Variants in CYBRD1 observed in about 807,000 individuals in gnomAD.
CYBRD1 encodes the protein cytochrome b reductase 1.
Under a neutral mutation model 21.9 loss-of-function variants are expected in CYBRD1, and 14 were observed. That is an observed-to-expected ratio of 0.64 (90% CI 0.42 to 1.00). CYBRD1 has a LOEUF of 1.00. Among genes scored for constraint, CYBRD1 ranks in the 50% least tolerant of loss-of-function variants. CYBRD1 has a pLI of 0.00. For missense variants in CYBRD1, 328 were observed against 352.5 expected (o/e 0.93, Z 0.56); for synonymous variants, 146 against 136.5 (o/e 1.07, Z -0.48).
At chr2:171,543,893 G>A (rs183470556) in intron 2 of CYBRD1, among the ~76,000 whole-genome samples, 42 of 152,202 alleles carry the variant, frequency 2.8e-4, no homozygotes, top group Admixed American at 1.9e-3. Context: ...AAACTATGCT[G>A]CATTGAATAT....
upstream of CYBRD1, chr2:171,522,466 G>A (rs570795913): frequency 2.0e-5 from 31 of 1,539,928 alleles, no homozygotes; most frequent in East Asian, 6.8e-4. The surrounding 1 kb of genome is among the most constrained non-coding windows in gnomAD (Gnocchi z 4.3). Context: ...CCCCGGTCCC[G>A]CCGCCCGGCC....
At chr2:171,541,216 A>C (rs1430637657) in intron 1 of CYBRD1, 1 of 321,934 alleles carries the variant, frequency 3.1e-6, no homozygotes, top group Non-Finnish European at 6.0e-6. Context: ...TCTGAAGCTT[A>C]GAAGACAGTT....
chr2:171,549,520 G>A (rs1483646545), intron 2 of CYBRD1, among the ~76,000 whole-genome samples: 1 of 152,142 alleles, frequency 6.6e-6, no homozygotes, highest in Non-Finnish European at 1.5e-5. Flanking sequence ...TGCCTGTGGG[G>A]TATTCCTGTT....
rs974282499 is a variant in CYBRD1 at position 171,550,806 on chromosome 2, G to A, written c.403-2540G>A. On this transcript the variant is annotated intron_variant, in intron 2 of 3. Transcript: ENST00000321348. Reference sequence around the variant, plus strand: ...GAGACACACATGACAAATTATGGAGGAAATGAGAGAAAACAGAAAGAATCT... The same window carrying A: ...GAGACACACATGACAAATTATGGAGAAAATGAGAGAAAACAGAAAGAATCT... 4.6e-5 allele frequency among the ~76,000 whole-genome samples: 7 copies of A among 152,056 alleles called. No homozygotes were observed. The East Asian group carries it at 9.6e-4, about 21-fold the overall frequency.
chr2:171,529,334 C>A (rs1697429534), intron 1 of CYBRD1, among the ~76,000 whole-genome samples: 1 of 151,994 alleles, frequency 6.6e-6, no homozygotes, highest in Admixed American at 6.6e-5. Flanking sequence ...GAGTTCGAGA[C>A]CAGCCTGACC....
chr2:171,525,341 T>C (rs1697369094), intron 1 of CYBRD1, among the ~76,000 whole-genome samples: 2 of 152,192 alleles, frequency 1.3e-5, no homozygotes, highest in South Asian at 4.1e-4. Context: ...GATGTGCAAA[T>C]CACTTTAATC....
intron 1 of CYBRD1, among the ~76,000 whole-genome samples, chr2:171,528,475 C>T (rs1697416495): frequency 2.0e-5 from 3 of 150,884 alleles, no homozygotes; most frequent in African/African-American, 7.4e-5. Context: ...TCTCTCTTTC[C>T]TGGCTGCCCC....
chr2:171,539,695 T>G (rs1697599525), intron 1 of CYBRD1: 1 of 151,884 alleles, frequency 6.6e-6, no homozygotes, highest in East Asian at 1.9e-4. Flanking sequence ...ACCAGGACAC[T>G]TAAGACAACC....
At position 171,534,301 on chromosome 2, in the gene CYBRD1, C is replaced by T. The variant is rs560334654; in HGVS notation, c.194-7284C>T. ...TAGCTGTTTTATACCATTTCCCCTT[C>T]TTGTGGGCTTAGGGGACCTTTTTCT... On this transcript the variant is annotated intron_variant, in intron 1 of 3. Coordinates refer to ENST00000321348, the MANE Select transcript of CYBRD1 (RefSeq NM_024843.4). Among the ~76,000 whole-genome samples, 3 of 152,316 alleles carry T rather than the reference C, an allele frequency of 2.0e-5. No homozygotes were observed. The South Asian group carries it at 6.2e-4, about 32-fold the overall frequency.
chr2:171,532,039 G>A (rs1697474535), intron 1 of CYBRD1, among the ~76,000 whole-genome samples: 1 of 152,176 alleles, frequency 6.6e-6, no homozygotes, highest in African/African-American at 2.4e-5. Context: ...CATTCGTGCT[G>A]TGAGACAGTT....
At chr2:171,524,932 C>G (rs1697362536) in intron 1 of CYBRD1, among the ~76,000 whole-genome samples, 1 of 152,094 alleles carries the variant, frequency 6.6e-6, no homozygotes, top group African/African-American at 2.4e-5. Context: ...TTACGAAAAT[C>G]TTGTTTCTTT....
intron 2 of CYBRD1, among the ~76,000 whole-genome samples, chr2:171,547,072 G>A (rs1697728019): frequency 6.6e-6 from 1 of 152,198 alleles, no homozygotes; most frequent in South Asian, 2.1e-4. Context: ...TAAAGAATGA[G>A]AGAGAGTCAC....
At chr2:171,528,529 C>A (rs901464244) in intron 1 of CYBRD1, among the ~76,000 whole-genome samples, 1 of 151,832 alleles carries the variant, frequency 6.6e-6, no homozygotes, top group Non-Finnish European at 1.5e-5. Flanking sequence ...TTCCTGATGA[C>A]GGCAGGTTAG....
chr2:171,542,562 G>A (rs932221856), intron 2 of CYBRD1, among the ~76,000 whole-genome samples: 1 of 152,130 alleles, frequency 6.6e-6, no homozygotes, highest in Non-Finnish European at 1.5e-5. Flanking sequence ...TAGCAATAAA[G>A]AGAATACCTA....
intron 1 of CYBRD1, among the ~76,000 whole-genome samples, chr2:171,527,444 A>G (rs1219442785): frequency 1.3e-5 from 2 of 152,210 alleles, no homozygotes; most frequent in Admixed American, 6.5e-5. Context: ...AATTGTTAGT[A>G]ACAAAATGCA....
intron 1 of CYBRD1, chr2:171,523,106 G>C (rs750423066): frequency 6.0e-6 from 2 of 332,306 alleles, no homozygotes; most frequent in East Asian, 1.1e-4. Flanking sequence ...CGCGATGCCG[G>C]AGCGCCGCGC....
chr2:171,540,661 A>T (rs1223312759), intron 1 of CYBRD1: 2 of 151,934 alleles, frequency 1.3e-5, no homozygotes, highest in Non-Finnish European at 1.5e-5. Context: ...AGGTTTAGCC[A>T]TTCAGATATG....
Position 171,522,610 on chromosome 2 carries a change from T to A in CYBRD1, c.65T>A (p.Leu22Gln), listed in dbSNP as rs1203274584. The A allele has an allele frequency of 1.2e-6, 2 of 1,612,658 alleles. No homozygotes were observed. The highest frequency in any genetic ancestry group is 1.7e-6 in the Non-Finnish European group (2 of 1,179,708). Reference sequence around the variant, plus strand: ...GGGTCGGCACTGCTCGTCGGCTTCCTGTCGGTGATCTTCGCCCTCGTCTGG... The same window carrying A: ...GGGTCGGCACTGCTCGTCGGCTTCCAGTCGGTGATCTTCGCCCTCGTCTGG... ...LLGSALLVGF[L>Q]SVIFALVWVL... is the part of the protein sequence containing the mutation. Residue 22 changes from leucine to glutamine, a missense_variant, in exon 1 of 4, where the codon CTG becomes CAG. Transcript: ENST00000321348. This position sits in a 1 kb window ranked among gnomAD's most constrained non-coding sequence, Gnocchi z 4.3.
chr2:171,539,711 TAA>T (rs1166767555), intron 1 of CYBRD1: 1 of 149,018 alleles, frequency 6.7e-6, no homozygotes, highest in Non-Finnish European at 1.5e-5. Context: ...CAACCCTTTG[TAA>T]AAAAACTTTT....
Sources: allele counts gnomAD v4.1 joint callset (sites outside exome capture counted in the v4.1 genomes callset), GRCh38; gene constraint gnomAD v4.1.1; non-coding constraint Gnocchi (gnomAD v3.1); transcripts MANE v1.5; gene names NCBI Gene and HGNC (gene_info 2026-07-23, HGNC 2026-07-21).